Variants in SLC26A8 observed in about 807,000 individuals in gnomAD.
SLC26A8 encodes the protein solute carrier family 26 member 8.
Under a neutral mutation model 105.0 loss-of-function variants are expected in SLC26A8, and 70 were observed. That is an observed-to-expected ratio of 0.67 (90% confidence interval 0.55 to 0.81). The LOEUF is 0.81. Ranked by LOEUF, SLC26A8 falls within the 40% of genes least tolerant of loss-of-function variation. SLC26A8 has a pLI of 0.00. For synonymous variants in SLC26A8, 415 were observed against 438.3 expected, an observed-to-expected ratio of 0.95 and a Z score of 0.66; for missense variants, 998 against 1,181.8, an observed-to-expected ratio of 0.84 and a Z score of 2.28.
chr6:36,020,225 CAT>C (rs1460351505), intron 1 of SLC26A8, among the ~76,000 whole-genome samples: 1 of 152,178 alleles, frequency 6.6e-6, no homozygotes, highest in Non-Finnish European at 1.5e-5. Flanking sequence ...TCTGTTTGTC[CAT>C]TGTCTGTTTC....
At chr6:36,009,510 A>C (rs1761790320) in intron 3 of SLC26A8, among the ~76,000 whole-genome samples, 1 of 152,236 alleles carries the variant, frequency 6.6e-6, no homozygotes, top group Admixed American at 6.5e-5. Context: ...ACTATTACTC[A>C]AAAATAAAAA....
intron 3 of SLC26A8, among the ~76,000 whole-genome samples, chr6:36,010,411 T>C (rs79655126): frequency 0.018 from 2,697 of 152,138 alleles, 88 homozygotes; most frequent in African/African-American, 0.062. Flanking sequence ...AACAGATCAA[T>C]GGTTGCTAGG....
chr6:35,962,203 G>A (rs1772332691), intron 12 of SLC26A8, among the ~76,000 whole-genome samples: 1 of 150,074 alleles, frequency 6.7e-6, no homozygotes, highest in African/African-American at 2.5e-5. Context: ...TCCAGCCTGG[G>A]CAACAGAGTG....
intron 5 of SLC26A8, among the ~76,000 whole-genome samples, chr6:35,997,033 C>T (rs1264802114): frequency 1.3e-5 from 2 of 149,256 alleles, no homozygotes; most frequent in Non-Finnish European, 3.0e-5. Context: ...AAAACTCCAT[C>T]TAAAAAAAAA....
At chr6:36,000,960 G>A (rs1761503572) in intron 3 of SLC26A8, among the ~76,000 whole-genome samples, 1 of 152,040 alleles carries the variant, frequency 6.6e-6, no homozygotes, top group African/African-American at 2.4e-5. Flanking sequence ...CAAGGCATTC[G>A]ATTATTTAAT....
At position 35,996,201 on chromosome 6, in the gene SLC26A8, T is replaced by A. The variant is rs1581679458; in HGVS notation, c.627+1537A>T. ...ACAGCTCATAGTGTCAGGGCTGGAGTCTGCCCACTTTGATAGCCTGCCTTT... is the reference window on the plus strand; with the variant it reads ...ACAGCTCATAGTGTCAGGGCTGGAGACTGCCCACTTTGATAGCCTGCCTTT... On this transcript the variant is annotated intron_variant, in intron 5 of 19. Transcript: ENST00000490799. 2.0e-5 allele frequency among the ~76,000 whole-genome samples: 3 copies of A among 152,040 alleles called. No individual in the cohort carries two copies. The South Asian group carries it at 6.2e-4, about 32-fold the overall frequency.
At chr6:35,975,520 C>A in intron 9 of SLC26A8, 32 bp from the exon 10 acceptor site, 1 of 1,392,832 alleles carries the variant, frequency 7.2e-7, no homozygotes, top group Non-Finnish European at 1.0e-6. Flanking sequence ...TTTAGGCCCC[C>A]GTTTTTGTTG....
chr6:35,991,522 G>A, intron 7 of SLC26A8, 137 bp downstream of exon 7: 2 of 580,024 alleles, frequency 3.4e-6, no homozygotes, highest in South Asian at 4.9e-5. Context: ...TTTAGAAAAA[G>A]AAAACAAGCA....
intron 7 of SLC26A8, chr6:35,989,935 T>TC (rs1773693945): frequency 9.2e-6 from 1 of 108,276 alleles, no homozygotes; most frequent in African/African-American, 3.5e-5. Flanking sequence ...TTCTTTTTTT[T>TC]TTTTTTTTTT....
intron 19 of SLC26A8, 72 bp downstream of exon 19, chr6:35,951,091 A>ACCCCCCCCCCCCCCCCCCC: frequency 8.0e-7 from 1 of 1,256,380 alleles, no homozygotes; most frequent in Non-Finnish European, 1.1e-6. Flanking sequence ...CCAGCCCCCA[A>ACCCCCCCCCCCCCCCCCCC]CCACCCCTCA....
chr6:35,968,337 G>C (rs1313581767), intron 11 of SLC26A8, among the ~76,000 whole-genome samples: 1 of 150,990 alleles, frequency 6.6e-6, no homozygotes, highest in Non-Finnish European at 1.5e-5. Context: ...TAGAGATGAG[G>C]TTTCTCCATG....
At chr6:35,982,043 T>C in intron 8 of SLC26A8, 78 bp downstream of exon 8, 1 of 1,434,980 alleles carries the variant, frequency 7.0e-7, no homozygotes, top group African/African-American at 1.4e-5. Context: ...GTAGAAAATA[T>C]CAATCAGGCT....
At chr6:36,002,806 C>T (rs967954777) in intron 3 of SLC26A8, among the ~76,000 whole-genome samples, 7 of 151,604 alleles carry the variant, frequency 4.6e-5, no homozygotes, top group Non-Finnish European at 7.4e-5. Flanking sequence ...CTTGTTTGAG[C>T]GATTCTCCCA....
chr6:35,992,546 C>T lies in SLC26A8; in HGVS notation c.756G>A (p.Met252Ile). The change falls in exon 6 of 20, where the codon ATG (methionine) becomes ATA (isoleucine). Residue 252 changes from methionine (M) to isoleucine (I), a missense_variant. Met to Ile is a conservative substitution (Grantham distance 10, BLOSUM62 1). Transcript: ENST00000490799. The stretch of plus-strand genomic sequence containing the variant: ...AGATGGGACCGGCATGGAAACTAAT[C>T]ATAATCCCAAAGATGAAAGTCAGCT... Reference protein sequence around the residue: ...LSQLTFIFGIMISFHAGPISF... With the variant: ...LSQLTFIFGIIISFHAGPISF... 6.2e-7 allele frequency: 1 copy of T among 1,613,890 alleles called. No individual in the cohort carries two copies. The highest frequency in any genetic ancestry group is 8.5e-7 in the Non-Finnish European group (1 of 1,179,930).
chr6:35,946,390 C>T (rs1425103949), intron 19 of SLC26A8, among the ~76,000 whole-genome samples: 1 of 152,124 alleles, frequency 6.6e-6, no homozygotes, highest in African/African-American at 2.4e-5. Context: ...GCATGCGCCA[C>T]CACACCCGAC....
intron 5 of SLC26A8, among the ~76,000 whole-genome samples, chr6:35,994,240 G>A (rs867159483): frequency 3.7e-4 from 56 of 150,004 alleles, no homozygotes; most frequent in Admixed American, 1.3e-3. Context: ...TCAGTCTCCC[G>A]AGTAGCTGGG....
At chr6:35,975,852 G>A (rs1772993226) in intron 9 of SLC26A8, among the ~76,000 whole-genome samples, 1 of 148,276 alleles carries the variant, frequency 6.7e-6, no homozygotes, top group Non-Finnish European at 1.5e-5. Context: ...GACAGACGTT[G>A]TGGTGAGCCG....
chr6:35,999,164 G>T (rs573024660), intron 4 of SLC26A8, among the ~76,000 whole-genome samples: 1 of 152,230 alleles, frequency 6.6e-6, no homozygotes, highest in South Asian at 2.1e-4. Context: ...AAAGTGCTGC[G>T]ATTACAGGCA....
Position 35,991,828 on chromosome 6 carries a change from C to T in SLC26A8, c.793-20G>A, listed in dbSNP as rs372492683. Reference sequence around the variant, plus strand: ...TATGTCCTGAAAGAAAATAAAATTACGGAGGCTTAGAAAGGGATGTAGTAA... The same window carrying T: ...TATGTCCTGAAAGAAAATAAAATTATGGAGGCTTAGAAAGGGATGTAGTAA... On this transcript the variant is annotated intron_variant, in intron 6 of 19. Coordinates refer to ENST00000490799, the MANE Select transcript of SLC26A8 (RefSeq NM_052961.4). 1.6e-5 allele frequency: 25 copies of T among 1,565,444 alleles called. No homozygotes were observed. Among genetic ancestry groups the T allele is most frequent in the South Asian group, 2.4e-5 (2 of 82,698 alleles).
Sources: allele counts gnomAD v4.1 joint callset (sites outside exome capture counted in the v4.1 genomes callset), GRCh38; gene constraint gnomAD v4.1.1; transcripts MANE v1.5; gene names NCBI Gene and HGNC (gene_info 2026-07-23, HGNC 2026-07-21).